The following ADAM18 variants were observed in gnomAD, a reference collection of about 807,000 sequenced individuals.
The protein encoded by ADAM18 is disintegrin and metalloproteinase domain-containing protein 18.
In ADAM18, 117 loss-of-function variants were observed where a neutral mutation model predicts 94.4. The ratio of observed to expected loss-of-function variants is 1.24; its 90% CI spans 1.07 to 1.45. The LOEUF is 1.45. ADAM18 is among the 40% of genes most tolerant of loss of function. The pLI, the probability that ADAM18 is intolerant of heterozygous loss-of-function variation, is 0.00. For missense variants in ADAM18, 936 were observed against 880.0 expected (o/e 1.06, Z -0.81); for synonymous variants, 327 against 291.6 (o/e 1.12, Z -1.24).
At chr8:39,665,515 A>G (rs770771056) in intron 13 of ADAM18, among the ~76,000 whole-genome samples, 22 of 152,222 alleles carry the variant, frequency 1.4e-4, no homozygotes, top group African/African-American at 4.3e-4. Flanking sequence ...AGGAAATTGA[A>G]AAACAGTCTT....
Position 39,637,346 on chromosome 8 carries a change from A to G in ADAM18, c.660+11A>G, listed in dbSNP as rs534100667. On this transcript the variant is annotated intron_variant, in intron 8 of 19. Coordinates refer to ENST00000265707, the MANE Select transcript of ADAM18 (RefSeq NM_014237.3). ...GGGCTTGTCAACACTGTAAGTTTTT[A>G]CTTTTTCACATTTCCATTTTCATGA... 6.6e-5 allele frequency: 105 copies of G among 1,587,480 alleles called. No individual in the cohort carries two copies. The highest frequency in any genetic ancestry group is 8.6e-5 in the Non-Finnish European group (101 of 1,168,820).
At chr8:39,604,359 T>A (rs1819001415) in intron 2 of ADAM18, among the ~76,000 whole-genome samples, 1 of 152,192 alleles carries the variant, frequency 6.6e-6, no homozygotes, top group African/African-American at 2.4e-5. Flanking sequence ...CTATTTTTAT[T>A]TTTCTAAAGA....
chr8:39,595,989 G>A (rs77826308), intron 2 of ADAM18, among the ~76,000 whole-genome samples: 136 of 152,286 alleles, frequency 8.9e-4, no homozygotes, highest in African/African-American at 3.1e-3. Flanking sequence ...GCTGGAACCA[G>A]AAATCTGATC....
intron 2 of ADAM18, among the ~76,000 whole-genome samples, chr8:39,589,149 G>A (rs1585871200): frequency 6.6e-6 from 1 of 152,252 alleles, no homozygotes; most frequent in Non-Finnish European, 1.5e-5. Flanking sequence ...TCTCACAGTG[G>A]TCCTGTGTTA....
chr8:39,623,075 A>G (rs774887062), intron 6 of ADAM18, among the ~76,000 whole-genome samples: 2 of 152,080 alleles, frequency 1.3e-5, no homozygotes, highest in Non-Finnish European at 2.9e-5. Context: ...ACCACTCTGT[A>G]TGTCTTTGCA....
At chr8:39,629,295 C>T in intron 6 of ADAM18, 79 bp from the exon 7 acceptor site, 1 of 1,095,074 alleles carries the variant, frequency 9.1e-7, no homozygotes, top group Non-Finnish European at 1.3e-6. Flanking sequence ...CAATTTTTCG[C>T]TGTCTTTACA....
At chr8:39,718,861 A>T (rs1278196926) in intron 18 of ADAM18, among the ~76,000 whole-genome samples, 1 of 151,156 alleles carries the variant, frequency 6.6e-6, no homozygotes, top group Non-Finnish European at 1.5e-5. Flanking sequence ...ATAAATGGAG[A>T]GGCATGCAAT....
At chr8:39,658,175 T>C (rs905326164) in intron 12 of ADAM18, among the ~76,000 whole-genome samples, 1 of 152,142 alleles carries the variant, frequency 6.6e-6, no homozygotes, top group Non-Finnish European at 1.5e-5. Flanking sequence ...CTTAAAAGAA[T>C]CTATGGCAAA....
chr8:39,638,560 ATTC>A lies in ADAM18; in HGVS notation c.909+20_909+22del. ...GGTATTGCTATGGTATGTAATTTTT[ATTC>A]TTCTTTACATCACTATTTTTAGGCC... On this transcript the variant is annotated intron_variant, in intron 10 of 19. Transcript: ENST00000265707. 1 of 1,482,506 alleles carries A rather than the reference ATTC, an allele frequency of 6.7e-7. No homozygotes were observed. Among genetic ancestry groups the A allele is most frequent in the Non-Finnish European group, 9.1e-7 (1 of 1,097,268 alleles). The allele number at this position is 1,482,506 out of a possible 1,614,324, so 91.8% of individuals were successfully genotyped here. A position where few individuals can be genotyped will look rare whatever the true frequency, so the allele number is the denominator to read the frequency against.
chr8:39,705,367 C>T (rs1244533854), intron 17 of ADAM18, among the ~76,000 whole-genome samples: 1 of 152,040 alleles, frequency 6.6e-6, no homozygotes, highest in Non-Finnish European at 1.5e-5. Flanking sequence ...ATAATGAGAT[C>T]CTTTGTTGTC....
intron 16 of ADAM18, among the ~76,000 whole-genome samples, chr8:39,681,272 A>G (rs955952059): frequency 1.3e-5 from 2 of 152,152 alleles, no homozygotes; most frequent in African/African-American, 4.8e-5. Context: ...GGACAGTGAA[A>G]ATCTGAGGCC....
intron 3 of ADAM18, 48 bp from the exon 4 acceptor site, chr8:39,608,994 A>C: frequency 9.4e-7 from 1 of 1,067,078 alleles, no homozygotes; most frequent in East Asian, 2.6e-5. Context: ...TTTTAACATT[A>C]TATTAAGATT....
rs142079731 is a variant in ADAM18, at chr8:39,680,526, A to G, written c.1821+300A>G. On this transcript the variant is annotated intron_variant, in intron 16 of 19. Transcript: ENST00000265707. ...GTAAAATGCTAATACAAAGTTTTCC[A>G]TTTTCCTTGCTTCACAAAGAACATT... Among the ~76,000 whole-genome samples, 32 of 152,278 alleles carry G rather than the reference A, an allele frequency of 2.1e-4. 1 individual carries two copies. In the East Asian group the frequency reaches 5.8e-3, roughly 28 times the overall value.
intron 10 of ADAM18, 27 bp from the exon 11 acceptor site, chr8:39,645,311 T>C (rs1402833249): frequency 1.9e-6 from 3 of 1,563,914 alleles, no homozygotes; most frequent in African/African-American, 2.7e-5. Flanking sequence ...CACATAATAA[T>C]TTTCTTTTTC....
chr8:39,676,449 G>A (rs927440399), intron 14 of ADAM18, among the ~76,000 whole-genome samples: 1 of 152,208 alleles, frequency 6.6e-6, no homozygotes, highest in Non-Finnish European at 1.5e-5. Context: ...GGGAACTGTC[G>A]AGCCAGGCAC....
At chr8:39,680,356 A>G in intron 16 of ADAM18, 130 bp downstream of exon 16, 1 of 893,862 alleles carries the variant, frequency 1.1e-6, no homozygotes, top group Non-Finnish European at 1.6e-6. Flanking sequence ...TTCCCATGTG[A>G]TATTTAAATG....
At chr8:39,667,802 C>T (rs1419194649) in intron 13 of ADAM18, among the ~76,000 whole-genome samples, 196 bp from the exon 14 acceptor site, 7 of 152,148 alleles carry the variant, frequency 4.6e-5, no homozygotes, top group East Asian at 3.8e-4. Flanking sequence ...AATTCTTTCA[C>T]GTCTTTGAGA....
chr8:39,727,889 T>G (rs1405855413), intron 19 of ADAM18, among the ~76,000 whole-genome samples: 1 of 152,174 alleles, frequency 6.6e-6, no homozygotes, highest in East Asian at 1.9e-4. Flanking sequence ...TAAAGAAATA[T>G]GAGAAATTGA....
chr8:39,675,938 C>T (rs1025630409), intron 14 of ADAM18, among the ~76,000 whole-genome samples: 2 of 152,208 alleles, frequency 1.3e-5, no homozygotes, highest in Admixed American at 1.3e-4. Context: ...CCCTGTTTCC[C>T]TGGGTATCAC....
Sources: allele counts gnomAD v4.1 joint callset (sites outside exome capture counted in the v4.1 genomes callset), GRCh38; gene constraint gnomAD v4.1.1; transcripts MANE v1.5; gene names NCBI Gene and HGNC (gene_info 2026-07-23, HGNC 2026-07-21).